SLC39A8: variants seen among roughly 807,000 people sequenced by gnomAD.
The protein encoded by SLC39A8 is metal cation symporter ZIP8.
In SLC39A8, 15 loss-of-function variants were observed where a neutral mutation model predicts 40.4. That is an observed-to-expected ratio of 0.37 (90% CI 0.25 to 0.57). SLC39A8 has a LOEUF of 0.57. SLC39A8 is among the 20% of genes least tolerant of loss of function. The probability of loss-of-function intolerance (pLI) is 0.75; values close to 1 mark genes in which losing one functional copy is unlikely to be tolerated. For missense variants in SLC39A8, 472 were observed against 558.8 expected (o/e 0.84, Z 1.57); for synonymous variants, 223 against 221.6 (o/e 1.01, Z -0.06).
In SLC39A8 at chr4:102,261,914, C is replaced by T; in HGVS notation, c.*1130G>A. ...GAATCTAGGATGTTCAATTTTAGAC[C>T]AATTTTCTCTATCTTCTAAATGAGT... On this transcript the variant is annotated 3_prime_UTR_variant, in exon 9 of 9. Coordinates refer to ENST00000356736, the MANE Select transcript of SLC39A8 (RefSeq NM_001135146.2). The T allele has an allele frequency of 1.0e-6, 1 of 985,314 alleles. No homozygotes were observed. The highest frequency in any genetic ancestry group is 1.2e-6 in the Non-Finnish European group (1 of 829,458). The allele number at this position is 985,314 out of a possible 1,614,324, so 61.0% of individuals were successfully genotyped here.
chr4:102,272,953 A>C (rs1214624722), intron 6 of SLC39A8, among the ~76,000 whole-genome samples: 1 of 152,108 alleles, frequency 6.6e-6, no homozygotes, highest in Non-Finnish European at 1.5e-5. Flanking sequence ...CAACCTACAG[A>C]CCAGGAGATT....
At chr4:102,283,586 G>GA (rs1484250120) in intron 6 of SLC39A8, among the ~76,000 whole-genome samples, 5 of 136,348 alleles carry the variant, frequency 3.7e-5, no homozygotes, top group South Asian at 2.4e-4. Flanking sequence ...TTGTTGAGGA[G>GA]AAAAAAAACA....
intron 2 of SLC39A8, among the ~76,000 whole-genome samples, chr4:102,320,312 A>ATATATATGAGAATATATATATGAG (rs1487773449): frequency 1.9e-4 from 13 of 67,380 alleles, no homozygotes; most frequent in Non-Finnish European, 3.5e-4. Flanking sequence ...ATATATGAGT[A>ATATATATGAGAATATATATATGAG]TATATATATG....
chr4:102,291,265 T>C (rs907612672), intron 6 of SLC39A8, among the ~76,000 whole-genome samples: 52 of 152,012 alleles, frequency 3.4e-4, no homozygotes, highest in African/African-American at 1.1e-3. Context: ...TTTAGAAGCA[T>C]TGAAAATGTA....
intron 6 of SLC39A8, among the ~76,000 whole-genome samples, chr4:102,273,948 C>G (rs578063680): frequency 6.6e-6 from 1 of 152,234 alleles, no homozygotes; most frequent in South Asian, 2.1e-4. Context: ...CTGAAGGTCA[C>G]CAACAGCAAA....
In SLC39A8 at chr4:102,261,973, A is replaced by G; in HGVS notation, c.*1071T>C. On this transcript the variant is annotated 3_prime_UTR_variant, in exon 9 of 9. Coordinates refer to ENST00000356736, the MANE Select transcript of SLC39A8 (RefSeq NM_001135146.2). ...TCTGTCTTTTATAAAAGGTAGAAAAATAACCATGGTGTGCTAATTTTTTTC... is the reference window on the plus strand; with the variant it reads ...TCTGTCTTTTATAAAAGGTAGAAAAGTAACCATGGTGTGCTAATTTTTTTC... 1.0e-6 allele frequency: 1 copy of G among 985,954 alleles called. No individual in the cohort carries two copies. Among genetic ancestry groups the G allele is most frequent in the Non-Finnish European group, 1.2e-6 (1 of 829,902 alleles). 61.1% of individuals were successfully genotyped at this position (985,954 alleles called of 1,614,324 possible). A position where few individuals can be genotyped will look rare whatever the true frequency, so the allele number is the denominator to read the frequency against.
At chr4:102,318,537 G>C (rs2149042587) in intron 2 of SLC39A8, among the ~76,000 whole-genome samples, 1 of 152,234 alleles carries the variant, frequency 6.6e-6, no homozygotes, top group South Asian at 2.1e-4. Flanking sequence ...TAACAAAGTT[G>C]AACCAGAAAC....
chr4:102,311,674 TATC>T (rs1169127647), intron 3 of SLC39A8, among the ~76,000 whole-genome samples: 1 of 152,148 alleles, frequency 6.6e-6, no homozygotes, highest in Non-Finnish European at 1.5e-5. Context: ...GAATTTAACT[TATC>T]ATCAGTTTAC....
chr4:102,288,704 A>C (rs1310378217), intron 6 of SLC39A8, among the ~76,000 whole-genome samples: 2 of 152,172 alleles, frequency 1.3e-5, no homozygotes, highest in African/African-American at 4.8e-5. Flanking sequence ...CATGAGTAAA[A>C]TTTGAGTGGT....
At position 102,262,585 on chromosome 4, in the gene SLC39A8, C is replaced by T. The variant is rs1017277653; in HGVS notation, c.*459G>A. The T allele has an allele frequency of 1.2e-5, 12 of 985,278 alleles. No homozygotes were observed. Among genetic ancestry groups the T allele is most frequent in the Non-Finnish European group, 1.4e-5 (12 of 829,718 alleles). 61.0% of individuals were successfully genotyped at this position (985,278 alleles called of 1,614,324 possible). Reference sequence around the variant, plus strand: ...TATATTAGTGTTGCATACATTTTACCTTCTACATTTTGATGTACTTGCTCT... The same window carrying T: ...TATATTAGTGTTGCATACATTTTACTTTCTACATTTTGATGTACTTGCTCT... On this transcript the variant is annotated 3_prime_UTR_variant, in exon 9 of 9. Coordinates refer to ENST00000356736, the MANE Select transcript of SLC39A8 (RefSeq NM_001135146.2).
chr4:102,314,077 C>A (rs762900068), intron 3 of SLC39A8, among the ~76,000 whole-genome samples: 1 of 152,082 alleles, frequency 6.6e-6, no homozygotes. Flanking sequence ...CCTTCCTCTA[C>A]AATAAAGGGC....
intron 2 of SLC39A8, among the ~76,000 whole-genome samples, chr4:102,323,836 A>T (rs974778428): frequency 6.6e-6 from 1 of 152,234 alleles, no homozygotes; most frequent in Non-Finnish European, 1.5e-5. Context: ...AACACTGAGA[A>T]GGATTCAATG....
At chr4:102,253,322 A>G in exon 12 of SLC39A8, 3 of 629,280 alleles carry the variant, frequency 4.8e-6, no homozygotes, top group East Asian at 3.0e-5. Flanking sequence ...TCACGTCTCA[A>G]TGGTCATAAC....
intron 1 of SLC39A8, 46 bp from the exon 2 acceptor site, chr4:102,344,961 G>T: frequency 8.9e-7 from 1 of 1,128,530 alleles, no homozygotes; most frequent in Non-Finnish European, 1.1e-6. Context: ...GGCCACCAGG[G>T]CACCAGCCGG....
intron 6 of SLC39A8, among the ~76,000 whole-genome samples, chr4:102,280,265 G>T (rs13434535): frequency 6.6e-6 from 1 of 152,042 alleles, no homozygotes; most frequent in Admixed American, 6.6e-5. Context: ...TCAGGTTACT[G>T]CCCTGTGGTT....
intron 2 of SLC39A8, among the ~76,000 whole-genome samples, chr4:102,318,659 G>A (rs1734765478): frequency 6.6e-6 from 1 of 152,078 alleles, no homozygotes; most frequent in Non-Finnish European, 1.5e-5. Context: ...TTATACCATG[G>A]ACAAGGAGGC....
exon 12 of SLC39A8, chr4:102,251,606 A>G (rs1455194010): frequency 6.6e-6 from 1 of 151,900 alleles, no homozygotes; most frequent in Non-Finnish European, 1.5e-5. Flanking sequence ...AGGACATAAG[A>G]GCCCATATGG....
intron 6 of SLC39A8, among the ~76,000 whole-genome samples, chr4:102,270,383 T>C (rs1051180338): frequency 6.6e-6 from 1 of 152,316 alleles, no homozygotes; most frequent in Non-Finnish European, 1.5e-5. Flanking sequence ...TTATACATTT[T>C]TAATAGTTTT....
chr4:102,339,635 T>C (rs1487482598), intron 2 of SLC39A8, among the ~76,000 whole-genome samples: 3 of 152,288 alleles, frequency 2.0e-5, no homozygotes, highest in Middle Eastern at 3.4e-3. Flanking sequence ...AGGCAAAATA[T>C]TGAAATAGAA....
Sources: gnomAD v4.1 joint callset for allele counts (sites outside exome capture counted in the v4.1 genomes callset) on GRCh38, gnomAD v4.1.1 for gene constraint, MANE v1.5 for transcripts, NCBI Gene and HGNC (gene_info 2026-07-23, HGNC 2026-07-21) for gene names.